The following FYCO1 variants were observed in gnomAD, a reference collection of about 807,000 sequenced individuals.
FYCO1 encodes FYVE and coiled-coil domain-containing protein 1.
FYCO1 carries 122 observed loss-of-function variants against 165.1 expected under a neutral mutation model. The observed-to-expected ratio is 0.74, with a 90% confidence interval of 0.64 to 0.86. The LOEUF is 0.86. FYCO1 is among the 40% of genes least tolerant of loss of function. FYCO1 has a pLI of 0.00. For missense variants in FYCO1, 1,702 were observed against 1,810.3 expected (o/e 0.94, Z 1.09); for synonymous variants, 648 against 742.5 (o/e 0.87, Z 2.07).
chr3:45,966,952 G>T lies in FYCO1; in HGVS notation c.2382C>A (p.Asp794Glu). Residue 794 changes from aspartate (D) to glutamate (E), a missense_variant, in exon 8 of 18, where the codon GAC (aspartate) becomes GAA (glutamate). Coordinates refer to ENST00000296137, the MANE Select transcript of FYCO1 (RefSeq NM_024513.4). ...EVQRLQAQVV[D>E]LQAKMRAALD... ...GGGCTGCCCGCATCTTGGCCTGGAG[G>T]TCCACCACCTGAGCCTGCAGCCGTT... The T allele has an allele frequency of 6.2e-7, 1 of 1,613,596 alleles. No individual in the cohort carries two copies. Among genetic ancestry groups the T allele is most frequent in the East Asian group, 2.2e-5 (1 of 44,882 alleles).
intron 2 of FYCO1, among the ~76,000 whole-genome samples, chr3:45,982,420 G>A (rs1356170201): frequency 6.6e-6 from 1 of 152,158 alleles, no homozygotes; most frequent in Middle Eastern, 3.2e-3. Context: ...GATCATGGGT[G>A]GCAAACAGCA....
chr3:45,970,295 C>G (rs775862900), intron 6 of FYCO1, among the ~76,000 whole-genome samples: 1 of 152,212 alleles, frequency 6.6e-6, no homozygotes, highest in Non-Finnish European at 1.5e-5. Context: ...TGATAACTCT[C>G]GTTTAGCAGG....
chr3:45,931,448 T>TC (rs1337503507), intron 15 of FYCO1, among the ~76,000 whole-genome samples, 167 bp from the exon 16 acceptor site: 1 of 152,098 alleles, frequency 6.6e-6, no homozygotes, highest in Non-Finnish European at 1.5e-5. Flanking sequence ...GGCAGCTCAC[T>TC]CCAACAAATG....
chr3:45,970,890 T>C (rs1008644796), intron 6 of FYCO1, among the ~76,000 whole-genome samples: 2 of 151,660 alleles, frequency 1.3e-5, no homozygotes, highest in East Asian at 3.8e-4. Flanking sequence ...AAACTATATA[T>C]ATATACATAT....
intron 14 of FYCO1, chr3:45,938,264 G>A (rs2125808069): frequency 1.6e-6 from 2 of 1,287,988 alleles, no homozygotes; most frequent in South Asian, 1.2e-5. Context: ...CCCTGCATGA[G>A]TGAGGTAGGA....
At chr3:45,980,727 G>C (rs535884911) in intron 3 of FYCO1, among the ~76,000 whole-genome samples, 5 of 152,318 alleles carry the variant, frequency 3.3e-5, no homozygotes, top group African/African-American at 7.2e-5. Flanking sequence ...CAATGACACA[G>C]GTATATCTTT....
chr3:45,980,249 T>C (rs1706977935), intron 3 of FYCO1, among the ~76,000 whole-genome samples: 2 of 151,696 alleles, frequency 1.3e-5, no homozygotes, highest in East Asian at 1.9e-4. Context: ...CTCAAGAGGC[T>C]GAGGCAGGAG....
At chr3:45,960,824 T>C (rs1336043983) in intron 11 of FYCO1, among the ~76,000 whole-genome samples, 1 of 151,968 alleles carries the variant, frequency 6.6e-6, no homozygotes, top group African/African-American at 2.4e-5. Context: ...TGAACCTGAG[T>C]CTAAGCAAGC....
At chr3:45,992,502 T>C (rs1040517904) in intron 1 of FYCO1, among the ~76,000 whole-genome samples, 1 of 152,260 alleles carries the variant, frequency 6.6e-6, no homozygotes, top group Non-Finnish European at 1.5e-5. Flanking sequence ...CTTTCCATTA[T>C]GTATTATGCA....
intron 14 of FYCO1, chr3:45,947,902 T>G (rs1704739076): frequency 4.4e-6 from 1 of 228,746 alleles, no homozygotes; most frequent in South Asian, 8.8e-5. Context: ...CTCAGAAGGC[T>G]CTTCTGACTA....
Position 45,931,304 on chromosome 3 carries a change from G to T in FYCO1, c.4041-23C>A, listed in dbSNP as rs770889438. 2.5e-6 allele frequency: 4 copies of T among 1,607,658 alleles called. No individual in the cohort carries two copies. The East Asian group carries it at 8.9e-5, about 36-fold the overall frequency. ...ATCCTAAAATAAAAATACAGAGAGGGACCTGATTGACTGGGCAAAGTGTTT... is the reference window on the plus strand; with the variant it reads ...ATCCTAAAATAAAAATACAGAGAGGTACCTGATTGACTGGGCAAAGTGTTT... On this transcript the variant is annotated intron_variant, in intron 15 of 17. Coordinates refer to ENST00000296137, the MANE Select transcript of FYCO1 (RefSeq NM_024513.4).
chr3:45,967,933 G>T lies in FYCO1; in HGVS notation c.1401C>A (p.Asp467Glu), dbSNP rs1171775678. Reference sequence around the variant, plus strand: ...ACTCCTGCAGCCGTCGCCAGAGCTGGTCTGCCTCCTGTCCCTTCCCAGACA... The same window carrying T: ...ACTCCTGCAGCCGTCGCCAGAGCTGTTCTGCCTCCTGTCCCTTCCCAGACA... Reference protein sequence around the residue: ...EELSGKGQEADQLWRRLQELL... With the variant: ...EELSGKGQEAEQLWRRLQELL... Residue 467 changes from aspartate (D) to glutamate (E), a missense_variant, in exon 8 of 18, where the codon GAC becomes GAA. Asp to Glu is a conservative substitution (Grantham distance 45, BLOSUM62 2). Transcript: ENST00000296137. 1 of 1,614,008 alleles carries T rather than the reference G, an allele frequency of 6.2e-7. No homozygotes were observed. The highest frequency in any genetic ancestry group is 8.5e-7 in the Non-Finnish European group (1 of 1,180,040).
intron 15 of FYCO1, among the ~76,000 whole-genome samples, chr3:45,935,192 A>G (rs1414700221): frequency 6.6e-6 from 1 of 152,206 alleles, no homozygotes; most frequent in African/African-American, 2.4e-5. Context: ...CCTCTCTGCC[A>G]ACACTTGGTC....
chr3:45,950,541 G>A (rs1352245503), intron 14 of FYCO1, among the ~76,000 whole-genome samples: 2 of 152,128 alleles, frequency 1.3e-5, no homozygotes, highest in Non-Finnish European at 2.9e-5. Context: ...GCCCAGAAGT[G>A]GTCAGGGCAG....
At chr3:45,986,382 C>G (rs1286755099) in intron 1 of FYCO1, among the ~76,000 whole-genome samples, 2 of 152,154 alleles carry the variant, frequency 1.3e-5, no homozygotes, top group African/African-American at 4.8e-5. Context: ...CTCGTGGCTC[C>G]AGGAGTCCAG....
chr3:45,947,319 A>G (rs763494903), intron 14 of FYCO1: 1 of 1,614,208 alleles, frequency 6.2e-7, no homozygotes, highest in Admixed American at 1.7e-5. Context: ...CGCATACCTG[A>G]GGGCCTGCCT....
At chr3:45,947,633 T>C in intron 14 of FYCO1, 2 of 746,420 alleles carry the variant, frequency 2.7e-6, no homozygotes, top group Non-Finnish European at 4.5e-6. Context: ...TCAGACACTC[T>C]GGCTGGTTTG....
intron 1 of FYCO1, among the ~76,000 whole-genome samples, chr3:45,989,999 A>C (rs1158395969): frequency 1.3e-5 from 2 of 152,238 alleles, no homozygotes; most frequent in Non-Finnish European, 2.9e-5. Context: ...TCAATAATTA[A>C]GAACTCAACT....
chr3:45,946,891 C>T (rs1243848347), intron 14 of FYCO1: 3 of 1,614,224 alleles, frequency 1.9e-6, no homozygotes. Flanking sequence ...GCCACCAAGG[C>T]CTACAACCAG....
Sources: gnomAD v4.1 joint callset for allele counts (sites outside exome capture counted in the v4.1 genomes callset) on GRCh38, gnomAD v4.1.1 for gene constraint, MANE v1.5 for transcripts, NCBI Gene and HGNC (gene_info 2026-07-23, HGNC 2026-07-21) for gene names.